DSG4: variants seen among roughly 807,000 people sequenced by gnomAD.
DSG4 encodes desmoglein 4.
A neutral mutation model predicts 93.1 loss-of-function variants in DSG4; 87 were observed. That is an observed-to-expected ratio of 0.93 (90% CI 0.79 to 1.12). The LOEUF is 1.12. Ranked by LOEUF, DSG4 falls within the 50% of genes most tolerant of loss-of-function variation. DSG4 has a pLI of 0.00. For missense variants in DSG4, 1,373 were observed against 1,285.7 expected, an observed-to-expected ratio of 1.07 and a Z score of -1.04; for synonymous variants, 432 against 452.9, an observed-to-expected ratio of 0.95 and a Z score of 0.59.
intron 12 of DSG4, among the ~76,000 whole-genome samples, chr18:31,407,976 G>A (rs1479238127): frequency 1.3e-5 from 2 of 152,200 alleles, no homozygotes; most frequent in African/African-American, 4.8e-5. Flanking sequence ...AGTGCCAGCT[G>A]CATTTCCAGA....
At chr18:31,385,077 A>G in intron 1 of DSG4, 59 bp from the exon 2 acceptor site, 6 of 1,364,468 alleles carry the variant, frequency 4.4e-6, no homozygotes, top group Admixed American at 1.7e-5. Context: ...TGTTTTTATG[A>G]CATGGCTTCC....
intron 6 of DSG4, 57 bp downstream of exon 6, chr18:31,390,879 A>T (rs1038022227): frequency 6.3e-7 from 1 of 1,579,434 alleles, no homozygotes; most frequent in East Asian, 2.3e-5. Flanking sequence ...AAAGACAAAG[A>T]TAAAATGATC....
Position 31,390,730 on chromosome 18 carries a change from A to G in DSG4, c.592A>G (p.Ile198Val), listed in dbSNP as rs2072238330. The G allele has an allele frequency of 3.1e-6, 5 of 1,613,868 alleles. No individual in the cohort carries two copies. The highest frequency in any genetic ancestry group is 4.2e-6 in the Non-Finnish European group (5 of 1,179,814). ...NHLNSKIAYK[I>V]VSQEPSGAPM... Reference sequence around the variant, plus strand: ...TCTGAATTCTAAAATTGCCTACAAGATCGTCTCTCAGGAGCCATCAGGTGC... The same window carrying G: ...TCTGAATTCTAAAATTGCCTACAAGGTCGTCTCTCAGGAGCCATCAGGTGC... Residue 198 changes from isoleucine to valine, a missense_variant, in exon 6 of 16, where the codon ATC (isoleucine) becomes GTC (valine). Physicochemically the swap from Ile to Val is conservative, Grantham distance 29. Transcript: ENST00000308128.
At chr18:31,388,300 A>T (rs2072209819) in intron 3 of DSG4, 67 bp from the exon 4 acceptor site, 1 of 1,576,284 alleles carries the variant, frequency 6.3e-7, no homozygotes, top group African/African-American at 1.3e-5. Flanking sequence ...CTCCCTTCTT[A>T]TTCCACTACA....
chr18:31,388,594 G>A (rs1381444337), intron 4 of DSG4, 72 bp downstream of exon 4: 2 of 1,575,976 alleles, frequency 1.3e-6, no homozygotes, highest in Non-Finnish European at 1.7e-6. Context: ...ATTATCTTAA[G>A]ATAATGGATT....
chr18:31,388,450 C>T lies in DSG4; in HGVS notation c.300C>T (p.Phe100=). The T allele has an allele frequency of 6.2e-7, 1 of 1,613,534 alleles. No individual in the cohort carries two copies. Among genetic ancestry groups the T allele is most frequent in the Non-Finnish European group, 8.5e-7 (1 of 1,179,640 alleles). The stretch of plus-strand genomic sequence containing the variant: ...TTGATCGACCACCATATGGGGTATT[C>T]ACCATTAATCCTCGCACTGGGGAAA... The part of the protein sequence containing the change: ...VGIDRPPYGV[F]TINPRTGEIN... The change falls in exon 4 of 16, where the codon TTC becomes TTT. Residue 100 remains phenylalanine (F), a synonymous_variant. Transcript: ENST00000308128.
At chr18:31,398,026 C>CAAAAA (rs58572396) in intron 8 of DSG4, among the ~76,000 whole-genome samples, 1 of 80,804 alleles carries the variant, frequency 1.2e-5, no homozygotes, top group Non-Finnish European at 2.4e-5. Flanking sequence ...GACCCTGTCT[C>CAAAAA]AAAAAAAAAA....
Position 31,413,727 on chromosome 18 carries a change from A to G in DSG4, c.*132A>G. 8.1e-7 allele frequency: 1 copy of G among 1,231,970 alleles called. No homozygotes were observed. Among genetic ancestry groups the G allele is most frequent in the South Asian group, 1.3e-5 (1 of 74,800 alleles). The allele number at this position is 1,231,970 out of a possible 1,614,324, so 76.3% of individuals were successfully genotyped here. ...CAGATATTCTAAGGTCAATGCCATTATTTGATTATACCATTTTGAGGGTGA... is the reference window on the plus strand; with the variant it reads ...CAGATATTCTAAGGTCAATGCCATTGTTTGATTATACCATTTTGAGGGTGA... On this transcript the variant is annotated 3_prime_UTR_variant, in exon 16 of 16. Transcript: ENST00000308128.
At chr18:31,394,348 C>T (rs1050030199) in intron 8 of DSG4, among the ~76,000 whole-genome samples, 6 of 152,154 alleles carry the variant, frequency 3.9e-5, no homozygotes, top group African/African-American at 1.4e-4. Context: ...GAGGCCAAGG[C>T]GGGCAGATCA....
intron 5 of DSG4, 148 bp from the exon 6 acceptor site, chr18:31,390,508 G>T (rs1411115885): frequency 2.2e-6 from 2 of 906,582 alleles, no homozygotes; most frequent in African/African-American, 3.3e-5. Context: ...CACTGGTAGA[G>T]CTGAAAGTTA....
chr18:31,403,565 C>T lies in DSG4; in HGVS notation c.1567C>T (p.Pro523Ser). 2 of 1,614,002 alleles carry T rather than the reference C, an allele frequency of 1.2e-6. No individual in the cohort carries two copies. The highest frequency in any genetic ancestry group is 1.3e-5 in the African/African-American group (1 of 75,000). Residue 523 changes from proline to serine, a missense_variant, in exon 11 of 16, where the codon CCG becomes TCG. Physicochemically the swap from Pro to Ser is moderately conservative, Grantham distance 74 (BLOSUM62 -1). Transcript: ENST00000308128. ...ISVNEHSYGS[P>S]FTFCVVDEPP... Reference sequence around the variant, plus strand: ...TGTTAATGAACATTCTTATGGGTCTCCGTTTACTTTCTGTGTTGTTGATGA... The same window carrying T: ...TGTTAATGAACATTCTTATGGGTCTTCGTTTACTTTCTGTGTTGTTGATGA...
intron 9 of DSG4, 124 bp downstream of exon 9, chr18:31,399,667 T>C: frequency 7.9e-7 from 1 of 1,264,360 alleles, no homozygotes. Flanking sequence ...TCCTTTGATT[T>C]AAAAGACTAT....
At chr18:31,386,096 A>G (rs2144168146) in intron 2 of DSG4, among the ~76,000 whole-genome samples, 1 of 152,204 alleles carries the variant, frequency 6.6e-6, no homozygotes, top group Admixed American at 6.5e-5. Flanking sequence ...GCAAAGCCTT[A>G]TAGGTGTCCA....
At chr18:31,412,529 A>G (rs2072505698) in intron 15 of DSG4, among the ~76,000 whole-genome samples, 1 of 152,232 alleles carries the variant, frequency 6.6e-6, no homozygotes, top group African/African-American at 2.4e-5. Context: ...ATTTTATCTC[A>G]TATTTCAGTC....
At position 31,413,027 on chromosome 18, in the gene DSG4, T is replaced by C. The variant is rs1354152257; in HGVS notation, c.2555T>C (p.Ile852Thr). The C allele has an allele frequency of 2.5e-6, 4 of 1,614,118 alleles. No individual in the cohort carries two copies. Among genetic ancestry groups the C allele is most frequent in the Admixed American group, 1.7e-5 (1 of 60,000 alleles). ...GCTGAGATCTGCTTAAACACAGAAA[T>C]TGAACCATTTCCTTCACACCAGGCT... ...TLAEICLNTE[I>T]EPFPSHQACI... is the part of the protein sequence containing the mutation. The change falls in exon 16 of 16, where the codon ATT becomes ACT. Residue 852 changes from isoleucine to threonine, a missense_variant. Coordinates refer to ENST00000308128, the MANE Select transcript of DSG4 (RefSeq NM_177986.5).
rs565812189 is a variant in DSG4, at chr18:31,405,994, A to G, written c.1637-83A>G. ...GAAAAATCTAGTGTTTTAAGTCAAT[A>G]TTTGGTATTAGGGAGAGTTAACCAC... On this transcript the variant is annotated intron_variant, in intron 11 of 15. Transcript: ENST00000308128. 3.0e-4 allele frequency: 460 copies of G among 1,509,686 alleles called. 5 individuals carry two copies. In the South Asian group the frequency reaches 4.9e-3, roughly 16 times the overall value. The allele number at this position is 1,509,686 out of a possible 1,614,324, so 93.5% of individuals were successfully genotyped here.
intron 1 of DSG4, 60 bp downstream of exon 1, chr18:31,377,019 C>G: frequency 6.4e-7 from 1 of 1,562,800 alleles, no homozygotes; most frequent in South Asian, 1.1e-5. Flanking sequence ...TCTCTGTCAA[C>G]TGTCGGGCTT....
At chr18:31,392,065 T>C in intron 7 of DSG4, 90 bp from the exon 8 acceptor site, 1 of 1,236,762 alleles carries the variant, frequency 8.1e-7, no homozygotes. Context: ...ACATAGTTTG[T>C]TGTTAGTATT....
intron 11 of DSG4, among the ~76,000 whole-genome samples, chr18:31,405,038 G>A (rs1414220288): frequency 6.6e-6 from 1 of 152,178 alleles, no homozygotes; most frequent in Non-Finnish European, 1.5e-5. Context: ...CTGTGGCATT[G>A]CCTTATCTCA....
Sources: gnomAD v4.1 joint callset for allele counts (sites outside exome capture counted in the v4.1 genomes callset) on GRCh38, gnomAD v4.1.1 for gene constraint, MANE v1.5 for transcripts, NCBI Gene and HGNC (gene_info 2026-07-23, HGNC 2026-07-21) for gene names.